Variants in TRDN observed in about 807,000 individuals in gnomAD.
The protein encoded by TRDN is triadin in skeletal muscle.
A neutral mutation model predicts 149.7 loss-of-function variants in TRDN; 161 were observed. The ratio of observed to expected loss-of-function variants is 1.08; its 90% confidence interval spans 0.95 to 1.23. The LOEUF (loss-of-function observed/expected upper bound fraction) is 1.23, where lower values mean the gene tolerates loss of function less well. TRDN is among the 50% of genes most tolerant of loss of function. The pLI is 0.00. For missense variants in TRDN, 896 were observed against 823.5 expected, an observed-to-expected ratio of 1.09 and a Z score of -1.08; for synonymous variants, 294 against 250.5, an observed-to-expected ratio of 1.17 and a Z score of -1.64.
intron 35 of TRDN, among the ~76,000 whole-genome samples, chr6:123,256,602 A>C (rs182091202): frequency 6.6e-6 from 1 of 150,862 alleles, no homozygotes; most frequent in South Asian, 2.1e-4. Context: ...TTTTTAAAAT[A>C]TGTTTGCCTT....
At chr6:123,305,509 A>G (rs1240094794) in intron 24 of TRDN, among the ~76,000 whole-genome samples, 1 of 152,130 alleles carries the variant, frequency 6.6e-6, no homozygotes, top group Non-Finnish European at 1.5e-5. Context: ...CTATAAGGTA[A>G]TGCTAGGCAA....
chr6:123,592,069 C>CT (rs761098171), intron 1 of TRDN, among the ~76,000 whole-genome samples: 5 of 152,120 alleles, frequency 3.3e-5, no homozygotes. Flanking sequence ...CTGTGTATTG[C>CT]TTAGTCTTCA....
At chr6:123,597,840 T>C (rs1784107006) in intron 1 of TRDN, among the ~76,000 whole-genome samples, 1 of 152,130 alleles carries the variant, frequency 6.6e-6, no homozygotes, top group African/African-American at 2.4e-5. Flanking sequence ...TAGATATAAC[T>C]TTTATATGTA....
At position 123,636,810 on chromosome 6, in the gene TRDN, TC is replaced by T. The variant is rs1786348193; in HGVS notation, c.-36del. 6.2e-7 allele frequency: 1 copy of T among 1,611,100 alleles called. No homozygotes were observed. The highest frequency in any genetic ancestry group is 1.3e-5 in the African/African-American group (1 of 74,718). On this transcript the variant is annotated 5_prime_UTR_variant, in exon 1 of 41. Coordinates refer to ENST00000334268, the MANE Select transcript of TRDN (RefSeq NM_006073.4). ...CAAAAGTAAAAGTCAGTTGAAAAGTTCCCGTCAAGTTGCACTTTGCAGAGTA... is the reference window on the plus strand; with the variant it reads ...CAAAAGTAAAAGTCAGTTGAAAAGTTCCGTCAAGTTGCACTTTGCAGAGTA...
At position 123,372,358 on chromosome 6, in the gene TRDN, G is replaced by A. The variant is rs139585018; in HGVS notation, c.1273+3247C>T. 3.8e-3 allele frequency among the ~76,000 whole-genome samples: 582 copies of A among 152,210 alleles called. 3 individuals are homozygous for A. Among genetic ancestry groups the A allele is most frequent in the African/African-American group, 0.013 (560 of 41,538 alleles). On this transcript the variant is annotated intron_variant, in intron 19 of 40. Coordinates refer to ENST00000334268, the MANE Select transcript of TRDN (RefSeq NM_006073.4). ...ACTCACATTTAGGCACTGAAGTGTG[G>A]TTAAGGAGATGAATATAGTCAGGCT...
Position 123,548,622 on chromosome 6 carries a change from A to G in TRDN, c.233-10T>C. Reference sequence around the variant, plus strand: ...TTGGCAATAGAGCTTGCTAAAAGTAATTAAAAAAAAAAAAAAAGAAAAAGT... The same window carrying G: ...TTGGCAATAGAGCTTGCTAAAAGTAGTTAAAAAAAAAAAAAAAGAAAAAGT... On this transcript the variant is annotated splice_polypyrimidine_tract_variant and intron_variant, in intron 2 of 40. Transcript: ENST00000334268. 2 of 1,296,760 alleles carry G rather than the reference A, an allele frequency of 1.5e-6. No individual in the cohort carries two copies. The highest frequency in any genetic ancestry group is 1.9e-6 in the Non-Finnish European group (2 of 1,027,756). 80.3% of individuals were successfully genotyped at this position (1,296,760 alleles called of 1,614,324 possible).
intron 38 of TRDN, among the ~76,000 whole-genome samples, chr6:123,226,011 A>C (rs1378829303): frequency 1.3e-5 from 2 of 151,838 alleles, no homozygotes; most frequent in East Asian, 3.9e-4. Flanking sequence ...AATTTCGTCT[A>C]ACAGGAAAGC....
intron 16 of TRDN, among the ~76,000 whole-genome samples, chr6:123,380,293 A>G (rs1014966261): frequency 3.3e-5 from 5 of 152,216 alleles, no homozygotes; most frequent in Non-Finnish European, 4.4e-5. Context: ...TTTAAATCTT[A>G]TAAACTGTAA....
At chr6:123,322,540 A>G (rs1168319452) in intron 23 of TRDN, among the ~76,000 whole-genome samples, 1 of 151,638 alleles carries the variant, frequency 6.6e-6, no homozygotes, top group African/African-American at 2.4e-5. Context: ...TTAGATGACA[A>G]TTTGGTCTGC....
chr6:123,428,908 T>C (rs1774228186), intron 12 of TRDN, among the ~76,000 whole-genome samples: 4 of 152,192 alleles, frequency 2.6e-5, no homozygotes, highest in Admixed American at 2.6e-4. Context: ...TAAGCAGATT[T>C]CCTTGCATGT....
At chr6:123,303,253 A>G (rs1487652838) in intron 24 of TRDN, among the ~76,000 whole-genome samples, 1 of 152,206 alleles carries the variant, frequency 6.6e-6, no homozygotes, top group Non-Finnish European at 1.5e-5. Context: ...TATATCATAA[A>G]GTCAAGAAAC....
intron 24 of TRDN, 117 bp downstream of exon 24, chr6:123,316,340 T>C: frequency 1.0e-6 from 1 of 962,104 alleles, no homozygotes; most frequent in Non-Finnish European, 1.6e-6. Context: ...CAGTATTTTT[T>C]TAATGTTTTG....
At chr6:123,274,442 G>A (rs1017896174) in intron 27 of TRDN, among the ~76,000 whole-genome samples, 199 bp downstream of exon 27, 6 of 152,114 alleles carry the variant, frequency 3.9e-5, no homozygotes, top group African/African-American at 7.2e-5. Context: ...CCATTTTCTA[G>A]GTGTTTTAGT....
chr6:123,315,721 T>C (rs1246294075), intron 24 of TRDN, among the ~76,000 whole-genome samples: 3 of 151,906 alleles, frequency 2.0e-5, no homozygotes, highest in African/African-American at 7.2e-5. Flanking sequence ...TGAATTAGGA[T>C]AAGCCATAGA....
chr6:123,541,099 T>C (rs1346176215), intron 4 of TRDN, among the ~76,000 whole-genome samples: 1 of 152,164 alleles, frequency 6.6e-6, no homozygotes, highest in Non-Finnish European at 1.5e-5. Flanking sequence ...ACCTAGCAGC[T>C]TCCCCCTCAC....
intron 38 of TRDN, among the ~76,000 whole-genome samples, chr6:123,233,627 C>A (rs1384963307): frequency 1.3e-5 from 2 of 151,986 alleles, no homozygotes; most frequent in African/African-American, 2.4e-5. Context: ...TATACACAAC[C>A]TTTCTCTGGA....
At chr6:123,252,919 T>C (rs1776423244) in intron 37 of TRDN, among the ~76,000 whole-genome samples, 1 of 152,142 alleles carries the variant, frequency 6.6e-6, no homozygotes, top group African/African-American at 2.4e-5. Flanking sequence ...CTTTGTTAAA[T>C]TAAGAGTTTT....
chr6:123,321,098 G>A (rs1242464957), intron 23 of TRDN, among the ~76,000 whole-genome samples: 1 of 152,072 alleles, frequency 6.6e-6, no homozygotes, highest in Admixed American at 6.6e-5. Context: ...TCTGGAAAAC[G>A]TGGTGGCTGA....
chr6:123,247,206 G>C (rs1222038771), intron 38 of TRDN, among the ~76,000 whole-genome samples: 1 of 152,124 alleles, frequency 6.6e-6, no homozygotes, highest in Non-Finnish European at 1.5e-5. Context: ...ACAAGTATGT[G>C]CTCTCTCACC....
Sources: gnomAD v4.1 joint callset for allele counts (sites outside exome capture counted in the v4.1 genomes callset) on GRCh38, gnomAD v4.1.1 for gene constraint, MANE v1.5 for transcripts, NCBI Gene and HGNC (gene_info 2026-07-23, HGNC 2026-07-21) for gene names.